The following TNFSF4 variants were observed in gnomAD, a reference collection of about 807,000 sequenced individuals.
TNFSF4 encodes the protein tumor necrosis factor ligand superfamily member 4.
In TNFSF4, 4 loss-of-function variants were observed where a neutral mutation model predicts 7.3. The ratio of observed to expected loss-of-function variants is 0.55; its 90% confidence interval spans 0.27 to 1.25. The LOEUF is 1.25. TNFSF4 is among the 50% of genes most tolerant of loss of function. TNFSF4 has a pLI of 0.12. For missense variants in TNFSF4, 181 were observed against 208.8 expected (o/e 0.87, Z 0.82); for synonymous variants, 76 against 83.7 (o/e 0.91, Z 0.50).
chr1:173,313,665 G>T, the TNFSF4 span, among the ~76,000 whole-genome samples: 1 of 151,886 alleles, frequency 6.6e-6, no homozygotes, highest in Non-Finnish European at 1.5e-5. Flanking sequence ...CCTCTCTGAG[G>T]ATCCAAGATA....
the TNFSF4 span, among the ~76,000 whole-genome samples, chr1:173,374,659 A>G: frequency 6.6e-6 from 1 of 152,174 alleles, no homozygotes; most frequent in Non-Finnish European, 1.5e-5. Context: ...ACATACATAA[A>G]TCTTTAACAC....
At chr1:173,312,749 G>A in the TNFSF4 span, among the ~76,000 whole-genome samples, 1 of 152,020 alleles carries the variant, frequency 6.6e-6, no homozygotes, top group Non-Finnish European at 1.5e-5. Context: ...CAGCTGTGGG[G>A]GCTTATCTAA....
At chr1:173,216,947 C>A in the TNFSF4 span, among the ~76,000 whole-genome samples, 1 of 152,182 alleles carries the variant, frequency 6.6e-6, no homozygotes, top group South Asian at 2.1e-4. Context: ...GAGATCTCAA[C>A]TTTCTGCTTC....
chr1:173,183,261 G>A (rs559003192), downstream of TNFSF4, among the ~76,000 whole-genome samples: 2 of 152,056 alleles, frequency 1.3e-5, no homozygotes, highest in Non-Finnish European at 2.9e-5. Flanking sequence ...AAAAGGGTGA[G>A]GTCAAAAAAG....
At chr1:173,341,338 A>G in the TNFSF4 span, among the ~76,000 whole-genome samples, 4 of 152,230 alleles carry the variant, frequency 2.6e-5, no homozygotes, top group Non-Finnish European at 5.9e-5. Context: ...GAAAGAAGAC[A>G]GAGGAGGCTC....
chr1:173,407,054 T>G, the TNFSF4 span, among the ~76,000 whole-genome samples: 3 of 152,042 alleles, frequency 2.0e-5, no homozygotes, highest in Non-Finnish European at 4.4e-5. Flanking sequence ...CCTCACTCGG[T>G]GCAGACTGCT....
the TNFSF4 span, among the ~76,000 whole-genome samples, chr1:173,321,898 C>A: frequency 1.3e-5 from 2 of 152,170 alleles, no homozygotes; most frequent in Non-Finnish European, 2.9e-5. Flanking sequence ...TTGTGGAAGA[C>A]AATGTGGTGA....
At chr1:173,262,793 G>A in the TNFSF4 span, among the ~76,000 whole-genome samples, 1 of 151,846 alleles carries the variant, frequency 6.6e-6, no homozygotes, top group African/African-American at 2.4e-5. Flanking sequence ...TAGTAGACAG[G>A]GTTTCACCGT....
At chr1:173,188,700 A>G (rs185971439) in intron 1 of TNFSF4, 131 bp from the exon 2 acceptor site, 3 of 766,498 alleles carry the variant, frequency 3.9e-6, no homozygotes, top group African/African-American at 1.8e-5. Flanking sequence ...AGAAGACTTG[A>G]CTTTTTTGTT....
chr1:173,420,595 A>G, the TNFSF4 span, among the ~76,000 whole-genome samples: 1 of 152,106 alleles, frequency 6.6e-6, no homozygotes, highest in African/African-American at 2.4e-5. Context: ...ATGGCTACAT[A>G]ATTTCTTTAA....
the TNFSF4 span, among the ~76,000 whole-genome samples, chr1:173,372,086 C>T: frequency 5.3e-5 from 8 of 152,274 alleles, no homozygotes; most frequent in East Asian, 1.3e-3. Flanking sequence ...ATCAAGGGTA[C>T]GAGGCGTCTA....
At chr1:173,365,349 C>T in the TNFSF4 span, among the ~76,000 whole-genome samples, 15,569 of 152,176 alleles carry the variant, frequency 0.1, 1,290 homozygotes, top group South Asian at 0.24. Context: ...TCCTCTAGCA[C>T]AATTTATGGA....
chr1:173,406,988 C>A, the TNFSF4 span, among the ~76,000 whole-genome samples: 1 of 151,956 alleles, frequency 6.6e-6, no homozygotes, highest in African/African-American at 2.4e-5. Flanking sequence ...GATGGGGAGA[C>A]AGTAGCAATG....
chr1:173,252,301 A>C, the TNFSF4 span, among the ~76,000 whole-genome samples: 2 of 152,306 alleles, frequency 1.3e-5, no homozygotes, highest in African/African-American at 4.8e-5. Flanking sequence ...AATTTTCAAT[A>C]ATTATGTTGG....
At chr1:173,313,682 T>C in the TNFSF4 span, among the ~76,000 whole-genome samples, 1 of 152,106 alleles carries the variant, frequency 6.6e-6, no homozygotes, top group Non-Finnish European at 1.5e-5. Flanking sequence ...GATATTTTTA[T>C]AGACTATCGA....
the TNFSF4 span, among the ~76,000 whole-genome samples, chr1:173,432,865 A>G: frequency 3.9e-5 from 6 of 152,228 alleles, no homozygotes; most frequent in East Asian, 1.9e-4. Context: ...TAAGAAACCA[A>G]TGCTTATAAG....
chr1:173,438,943 G>A, the TNFSF4 span, among the ~76,000 whole-genome samples: 1 of 152,144 alleles, frequency 6.6e-6, no homozygotes, highest in Non-Finnish European at 1.5e-5. Flanking sequence ...GTAACATAAA[G>A]CACAACCCTC....
At chr1:173,362,921 T>C in the TNFSF4 span, 1 of 465,966 alleles carries the variant, frequency 2.1e-6, no homozygotes, top group Non-Finnish European at 4.3e-6. Context: ...TATAATGTAC[T>C]CGTGCACCAA....
chr1:173,190,684 C>T (rs1321241974), intron 1 of TNFSF4, among the ~76,000 whole-genome samples: 3 of 152,220 alleles, frequency 2.0e-5, no homozygotes, highest in Non-Finnish European at 4.4e-5. Context: ...AGGCAAATGA[C>T]CCAATGACCA....
Sources: allele counts gnomAD v4.1 joint callset (sites outside exome capture counted in the v4.1 genomes callset), GRCh38; gene constraint gnomAD v4.1.1; transcripts MANE v1.5; gene names NCBI Gene and HGNC (gene_info 2026-07-23, HGNC 2026-07-21).